Variants in ADAMTSL1 observed in about 807,000 individuals in gnomAD.
ADAMTSL1 encodes the protein ADAMTS like 1.
ADAMTSL1 carries 126 observed loss-of-function variants against 201.8 expected under a neutral mutation model. The ratio of observed to expected loss-of-function variants is 0.62; its 90% CI spans 0.54 to 0.72. The LOEUF is 0.72. ADAMTSL1 is among the 30% of genes least tolerant of loss of function. ADAMTSL1 has a pLI of 0.00. For missense variants in ADAMTSL1, 2,679 were observed against 2,277.8 expected, an observed-to-expected ratio of 1.18 and a Z score of -3.59; for synonymous variants, 1,121 against 903.4, an observed-to-expected ratio of 1.24 and a Z score of -4.32.
chr9:18,391,824 C>CTTTTTTTTTTTTTTTT (rs11407945), intron 2 of ADAMTSL1, among the ~76,000 whole-genome samples: 1 of 116,740 alleles, frequency 8.6e-6, no homozygotes, highest in Admixed American at 1.1e-4. Flanking sequence ...TCTTTTCTTT[C>CTTTTTTTTTTTTTTTT]TTTTTTTTTT....
intron 16 of ADAMTSL1, among the ~76,000 whole-genome samples, chr9:18,760,465 A>G (rs933321208): frequency 1.3e-5 from 2 of 152,188 alleles, no homozygotes; most frequent in African/African-American, 4.8e-5. Context: ...GAACCCCTGC[A>G]TAGGGTTATG....
At chr9:18,212,588 A>C (rs528033934) in intron 2 of ADAMTSL1, among the ~76,000 whole-genome samples, 12 of 152,274 alleles carry the variant, frequency 7.9e-5, no homozygotes, top group Middle Eastern at 3.4e-3. Flanking sequence ...CACCAGTAAA[A>C]TCCTATCTTT....
chr9:18,077,731 G>A lies in ADAMTSL1; in HGVS notation c.88-86131G>A, dbSNP rs142436878. On this transcript the variant is annotated intron_variant, in intron 1 of 29. Coordinates refer to the ADAMTSL1 transcript ENST00000680146. ...GGAAAAAGCTGCAGACTAACGTGGG[G>A]TCCAAGGAGGACTTTAAAAAAAATG... 2.2e-3 allele frequency among the ~76,000 whole-genome samples: 342 copies of A among 152,086 alleles called. 1 individual carries two copies. The highest frequency in any genetic ancestry group is 7.9e-3 in the African/African-American group (330 of 41,540).
chr9:18,884,574 T>G (rs886234153), intron 23 of ADAMTSL1, among the ~76,000 whole-genome samples: 2 of 152,226 alleles, frequency 1.3e-5, no homozygotes, highest in Non-Finnish European at 2.9e-5. Flanking sequence ...TCATCCATTT[T>G]GAGTTAATTT....
chr9:17,943,889 C>G (rs1205887117), intron 1 of ADAMTSL1, among the ~76,000 whole-genome samples: 2 of 151,912 alleles, frequency 1.3e-5, no homozygotes, highest in Non-Finnish European at 1.5e-5. Context: ...ACAGTCATGG[C>G]AGAAGGTGAA....
At chr9:17,918,400 T>C (rs1319895006) in intron 1 of ADAMTSL1, among the ~76,000 whole-genome samples, 1 of 151,842 alleles carries the variant, frequency 6.6e-6, no homozygotes, top group African/African-American at 2.4e-5. Flanking sequence ...CTCATGGCTA[T>C]TTAGAAATGG....
chr9:18,633,099 A>G (rs1234664315), intron 5 of ADAMTSL1, among the ~76,000 whole-genome samples: 1 of 152,314 alleles, frequency 6.6e-6, no homozygotes, highest in South Asian at 2.1e-4. Context: ...GGGAGGCTGC[A>G]TGAGCTGTGT....
At chr9:18,311,038 G>C (rs920911977) in intron 2 of ADAMTSL1, among the ~76,000 whole-genome samples, 8 of 152,050 alleles carry the variant, frequency 5.3e-5, no homozygotes, top group African/African-American at 1.9e-4. Flanking sequence ...AAAATGATGA[G>C]TTCATGTCCT....
At chr9:17,950,151 C>T (rs1012076652) in intron 1 of ADAMTSL1, among the ~76,000 whole-genome samples, 1 of 152,078 alleles carries the variant, frequency 6.6e-6, no homozygotes, top group Non-Finnish European at 1.5e-5. Context: ...AGGTGATCTG[C>T]CTGCCTCGGC....
At chr9:18,650,799 G>T (rs1470861173) in intron 7 of ADAMTSL1, among the ~76,000 whole-genome samples, 3 of 152,128 alleles carry the variant, frequency 2.0e-5, no homozygotes, top group Non-Finnish European at 4.4e-5. Context: ...GTCAATGCCA[G>T]TTTAGTGTGG....
At chr9:18,351,253 CAAAAAAAAAAAG>C (rs1195946006) in intron 2 of ADAMTSL1, among the ~76,000 whole-genome samples, 2 of 120,838 alleles carry the variant, frequency 1.7e-5, no homozygotes, top group Non-Finnish European at 1.8e-5. Context: ...GATGAAAGAC[CAAAAAAAAAAAG>C]AAAAAAAAAA....
intron 2 of ADAMTSL1, among the ~76,000 whole-genome samples, chr9:18,379,702 C>A (rs922625645): frequency 3.3e-5 from 5 of 151,888 alleles, no homozygotes; most frequent in African/African-American, 1.2e-4. Context: ...TGGTTTTATA[C>A]CGGATGAGAG....
chr9:18,801,343 T>G (rs992552334), intron 20 of ADAMTSL1, among the ~76,000 whole-genome samples: 1 of 152,242 alleles, frequency 6.6e-6, no homozygotes, highest in Non-Finnish European at 1.5e-5. Context: ...AGCAAACTTA[T>G]ATAGTTATGT....
intron 2 of ADAMTSL1, among the ~76,000 whole-genome samples, chr9:18,379,641 G>T (rs540297395): frequency 6.6e-6 from 1 of 152,166 alleles, no homozygotes; most frequent in African/African-American, 2.4e-5. Flanking sequence ...TTGGGCTGAC[G>T]AAGGCTCTCC....
At chr9:18,031,518 C>A (rs1173626066) in intron 1 of ADAMTSL1, among the ~76,000 whole-genome samples, 2 of 151,998 alleles carry the variant, frequency 1.3e-5, no homozygotes, top group Admixed American at 6.6e-5. Flanking sequence ...AGGCTCTAGT[C>A]CAATAGATGG....
chr9:18,062,454 GA>G (rs1449644046), intron 1 of ADAMTSL1, among the ~76,000 whole-genome samples: 1 of 152,052 alleles, frequency 6.6e-6, no homozygotes, highest in African/African-American at 2.4e-5. Context: ...AAATGCATAT[GA>G]GTGAAATTAT....
intron 20 of ADAMTSL1, among the ~76,000 whole-genome samples, chr9:18,804,151 G>C (rs1015649529): frequency 1.3e-5 from 2 of 152,110 alleles, no homozygotes; most frequent in Admixed American, 6.5e-5. Flanking sequence ...ATGAATGATA[G>C]CATTCTCTAC....
chr9:18,285,297 A>G (rs1832950935), intron 2 of ADAMTSL1, among the ~76,000 whole-genome samples: 1 of 152,138 alleles, frequency 6.6e-6, no homozygotes, highest in Admixed American at 6.5e-5. Context: ...GCTATGCTGA[A>G]TACTTTATAT....
At chr9:18,894,730 A>T (rs1404562385) in intron 26 of ADAMTSL1, among the ~76,000 whole-genome samples, 4 of 152,196 alleles carry the variant, frequency 2.6e-5, no homozygotes, top group Non-Finnish European at 5.9e-5. Context: ...TCTGGGACTT[A>T]AAAGAGAGCT....
Sources: allele counts gnomAD v4.1 joint callset (sites outside exome capture counted in the v4.1 genomes callset), GRCh38; gene constraint gnomAD v4.1.1; transcripts MANE v1.5; gene names NCBI Gene and HGNC (gene_info 2026-07-23, HGNC 2026-07-21).